The following UNC80 variants were observed in gnomAD, a reference collection of about 807,000 sequenced individuals.
UNC80 encodes unc-80 subunit of NALCN channel complex.
Under a neutral mutation model 384.6 loss-of-function variants are expected in UNC80, and 164 were observed. The observed-to-expected ratio is 0.43, with a 90% CI of 0.38 to 0.49. The LOEUF is 0.49. UNC80 is among the 20% of genes least tolerant of loss of function. UNC80 has a pLI of 0.00. For synonymous variants in UNC80, 1,486 were observed against 1,527.8 expected (o/e 0.97, Z 0.64); for missense variants, 3,330 against 4,143.0 (o/e 0.80, Z 5.39).
intron 22 of UNC80, among the ~76,000 whole-genome samples, chr2:209,850,425 C>T (rs916765358): frequency 3.3e-5 from 5 of 151,996 alleles, no homozygotes; most frequent in African/African-American, 9.7e-5. Context: ...AAACTTTAAG[C>T]CTGCCAATAA....
chr2:209,808,856 A>G (rs185039246), intron 7 of UNC80: 23 of 320,054 alleles, frequency 7.2e-5, no homozygotes, highest in African/African-American at 5.2e-4. Context: ...CGGAAGCCCA[A>G]CTACAGCAAA....
chr2:209,777,847 T>G (rs965411073), intron 4 of UNC80, among the ~76,000 whole-genome samples: 1 of 152,180 alleles, frequency 6.6e-6, no homozygotes, highest in Admixed American at 6.5e-5. Context: ...AGGGTTTAAA[T>G]TGCTTTCTTG....
intron 7 of UNC80, among the ~76,000 whole-genome samples, chr2:209,804,752 GTTTTTTTTTTGTTTTGT>G (rs756657876): frequency 8.8e-6 from 1 of 113,904 alleles, no homozygotes; most frequent in Non-Finnish European, 1.8e-5. Context: ...AATTTAGAGA[GTTTTTTTTTTGTTTTGT>G]TTTGTTTTTT....
At chr2:209,795,053 AG>A (rs1330281002) in intron 7 of UNC80, 1 of 209,330 alleles carries the variant, frequency 4.8e-6, no homozygotes, top group Non-Finnish European at 9.8e-6. Context: ...AGTGTGGAAA[AG>A]TTTGGAACTT....
At chr2:209,910,879 G>A (rs983765402) in intron 29 of UNC80, among the ~76,000 whole-genome samples, 6 of 152,066 alleles carry the variant, frequency 3.9e-5, no homozygotes, top group Non-Finnish European at 7.4e-5. Context: ...ATTTAAAATT[G>A]TGTGCCACAC....
At chr2:209,924,432 G>T (rs1278419100) in intron 35 of UNC80, among the ~76,000 whole-genome samples, 2 of 152,148 alleles carry the variant, frequency 1.3e-5, no homozygotes, top group African/African-American at 4.8e-5. Context: ...GAACTAATAA[G>T]TCTTCCAGCC....
At chr2:209,957,762 A>G (rs1395825112) in intron 49 of UNC80, 26 bp downstream of exon 49, 9 of 1,546,920 alleles carry the variant, frequency 5.8e-6, no homozygotes, top group East Asian at 2.4e-5. Flanking sequence ...TTATTCTTCT[A>G]TGGTCTCTCA....
Position 209,823,130 on chromosome 2 carries a change from A to G in UNC80, c.2331+2451A>G, listed in dbSNP as rs187440320. On this transcript the variant is annotated intron_variant, in intron 13 of 64. Coordinates refer to ENST00000673920, the MANE Select transcript of UNC80 (RefSeq NM_001371986.1). The stretch of plus-strand genomic sequence containing the variant: ...TGATTAAGATAGAAAGGAAGATCTA[A>G]TTTCCATTTCTATATTTGCCACAAC... Among the ~76,000 whole-genome samples the G allele has an allele frequency of 3.3e-5, 5 of 152,280 alleles. No individual in the cohort carries two copies. The East Asian group carries it at 9.7e-4, about 29-fold the overall frequency.
chr2:209,827,596 A>G (rs1023848641), intron 14 of UNC80, among the ~76,000 whole-genome samples: 15 of 152,152 alleles, frequency 9.9e-5, no homozygotes, highest in African/African-American at 1.4e-4. Flanking sequence ...CTTCTGTTTA[A>G]TGCTCATTAT....
chr2:209,838,359 T>A (rs2081490868), intron 18 of UNC80, among the ~76,000 whole-genome samples: 1 of 151,350 alleles, frequency 6.6e-6, no homozygotes, highest in African/African-American at 2.4e-5. Flanking sequence ...TAATTTCTGG[T>A]GAGATTAAAT....
chr2:209,926,714 TGCAGTGA>T, intron 35 of UNC80, 122 bp from the exon 36 acceptor site: 1 of 1,148,724 alleles, frequency 8.7e-7, no homozygotes, highest in Non-Finnish European at 1.2e-6. Flanking sequence ...AAGTCGAGGC[TGCAGTGA>T]GCAGTGATCA....
Position 209,829,294 on chromosome 2 carries a change from G to A in UNC80, c.2541G>A (p.Arg847=), listed in dbSNP as rs995962756. The change falls in exon 15 of 65, where the codon AGG becomes AGA. Residue 847 remains arginine, a synonymous_variant. Transcript: ENST00000673920. The part of the protein sequence containing the change: ...LDKMQFRQTM[R]DYVNKDSLNN... ...AGATGCAGTTCCGACAAACCATGAG[G>A]GACTATGTGAACAAGGACTCTCTCA... The A allele has an allele frequency of 3.2e-6, 5 of 1,551,260 alleles. No individual in the cohort carries two copies. In the African/African-American group the frequency reaches 6.8e-5, roughly 21 times the overall value.
chr2:209,914,569 G>A (rs1464371784), intron 31 of UNC80, among the ~76,000 whole-genome samples: 1 of 4,994 alleles, frequency 2.0e-4, no homozygotes, highest in South Asian at 9.3e-3. Flanking sequence ...CCATCCCCCA[G>A]CCCCCTTCCC....
Position 209,793,728 on chromosome 2 carries a change from G to A in UNC80, c.807G>A (p.Gln269=), listed in dbSNP as rs1202327884. 3.1e-6 allele frequency: 5 copies of A among 1,613,694 alleles called. No homozygotes were observed. In the African/African-American group the frequency reaches 4.0e-5, roughly 13 times the overall value. The change falls in exon 7 of 65, where the codon CAG becomes CAA. Residue 269 remains glutamine (Q), a synonymous_variant. Coordinates refer to ENST00000673920, the MANE Select transcript of UNC80 (RefSeq NM_001371986.1). ...ATCTCTGCCTCCAAAAGGGACTCCA[G>A]GTGGTTTGTGAAACATTCCAGTCTG... ...NQDARHLEGL[Q]VVCETFQSDS...
At chr2:209,796,036 G>T (rs746892809) in intron 7 of UNC80, 1 of 152,298 alleles carries the variant, frequency 6.6e-6, no homozygotes, top group African/African-American at 2.4e-5. Context: ...TGGAAAAGCC[G>T]CAGACACTCA....
intron 22 of UNC80, among the ~76,000 whole-genome samples, chr2:209,868,376 T>C (rs1369479506): frequency 6.6e-6 from 1 of 152,204 alleles, no homozygotes. Flanking sequence ...TCTAGTGTTA[T>C]ATGAGTTTTC....
Position 209,945,186 on chromosome 2 carries a change from T to G in UNC80, c.7186T>G (p.Leu2396Val). Residue 2396 changes from leucine (L) to valine (V), a missense_variant, in exon 46 of 65, where the codon TTA becomes GTA. Leu to Val is a conservative substitution (Grantham distance 32). Coordinates refer to ENST00000673920, the MANE Select transcript of UNC80 (RefSeq NM_001371986.1). ...CAAAGCTGAGAAGCCTCTCAAGTCATTAGGTAAAAGCAAAACTTGCTTTGA... is the reference window on the plus strand; with the variant it reads ...CAAAGCTGAGAAGCCTCTCAAGTCAGTAGGTAAAAGCAAAACTTGCTTTGA... The part of the protein sequence containing the change: ...LVKAEKPLKS[L>V]DFCYGNEDLT... 1 of 1,548,010 alleles carries G rather than the reference T, an allele frequency of 6.5e-7. No individual in the cohort carries two copies. Among genetic ancestry groups the G allele is most frequent in the Non-Finnish European group, 8.7e-7 (1 of 1,145,886 alleles).
At chr2:209,775,336 G>A (rs987155384) in intron 2 of UNC80, among the ~76,000 whole-genome samples, 1 of 152,114 alleles carries the variant, frequency 6.6e-6, no homozygotes, top group Admixed American at 6.5e-5. Flanking sequence ...GATATATTAA[G>A]TATCTTTTAT....
At chr2:209,892,791 TAAA>T (rs889049648) in intron 26 of UNC80, among the ~76,000 whole-genome samples, 54 of 152,326 alleles carry the variant, frequency 3.5e-4, no homozygotes, top group African/African-American at 1.3e-3. Context: ...TAATTAAACA[TAAA>T]AATAATATTG....
Sources: gnomAD v4.1 joint callset for allele counts (sites outside exome capture counted in the v4.1 genomes callset) on GRCh38, gnomAD v4.1.1 for gene constraint, MANE v1.5 for transcripts, NCBI Gene and HGNC (gene_info 2026-07-23, HGNC 2026-07-21) for gene names.